UST: variants seen among roughly 807,000 people sequenced by gnomAD.
UST encodes chondroitin sulfate 2-O-sulfotransferase.
Under a neutral mutation model 45.6 loss-of-function variants are expected in UST, and 21 were observed. The observed-to-expected ratio is 0.46, with a 90% CI of 0.33 to 0.66. UST has a LOEUF of 0.66. Ranked by LOEUF, UST falls within the 30% of genes least tolerant of loss-of-function variation. The probability of loss-of-function intolerance (pLI) is 0.02; values close to 1 mark genes in which losing one functional copy is unlikely to be tolerated. For synonymous variants in UST, 215 were observed against 200.6 expected (o/e 1.07, Z -0.61); for missense variants, 463 against 512.4 (o/e 0.90, Z 0.93).
intron 7 of UST, among the ~76,000 whole-genome samples, chr6:149,060,394 G>A (rs577978338): frequency 2.0e-5 from 3 of 152,276 alleles, no homozygotes; most frequent in East Asian, 1.9e-4. Context: ...GCGCTGGCCC[G>A]GCCAGCCCAG....
chr6:149,011,580 G>C lies in UST; in HGVS notation c.682-7559G>C, dbSNP rs535652435. Among the ~76,000 whole-genome samples the C allele has an allele frequency of 2.6e-5, 4 of 152,346 alleles. No homozygotes were observed. In the South Asian group the frequency reaches 6.2e-4, roughly 24 times the overall value. On this transcript the variant is annotated intron_variant, in intron 5 of 7. Transcript: ENST00000367463. The stretch of plus-strand genomic sequence containing the variant: ...ATTTCTATTTTTGGGGGAGGCCAAG[G>C]AGGGTGGATCCCCTGAGGTCAGGAG...
intron 1 of UST, among the ~76,000 whole-genome samples, chr6:148,880,906 G>C (rs9377170): frequency 0.072 from 10,968 of 151,928 alleles, 703 homozygotes; most frequent in African/African-American, 0.18. Flanking sequence ...GTGGGCGCCT[G>C]TAATCCCAGC....
intron 5 of UST, among the ~76,000 whole-genome samples, chr6:148,987,690 T>TTTTAAAAATTTTAAAAATTTA (rs1332192215): frequency 6.6e-6 from 1 of 152,206 alleles, no homozygotes; most frequent in Non-Finnish European, 1.5e-5. Flanking sequence ...TCTTAATTTA[T>TTTTAAAAATTTTAAAAATTTA]TTTAAAAATT....
At chr6:149,029,866 T>TTGTGTGTGTGTGTG (rs3074362) in intron 7 of UST, among the ~76,000 whole-genome samples, 1 of 140,706 alleles carries the variant, frequency 7.1e-6, no homozygotes, top group Non-Finnish European at 1.5e-5. Context: ...GCACTGGATC[T>TTGTGTGTGTGTGTG]TGTGTGTGTG....
intron 1 of UST, among the ~76,000 whole-genome samples, chr6:148,862,997 G>T (rs1778350476): frequency 6.6e-6 from 1 of 152,160 alleles, no homozygotes; most frequent in African/African-American, 2.4e-5. Context: ...TTCTCGAGGA[G>T]TATCTTTGTG....
At chr6:148,923,978 C>T (rs769711607) in intron 2 of UST, among the ~76,000 whole-genome samples, 1 of 152,074 alleles carries the variant, frequency 6.6e-6, no homozygotes, top group Non-Finnish European at 1.5e-5. Context: ...GACTATAGCC[C>T]TCTTATGGTA....
intron 1 of UST, among the ~76,000 whole-genome samples, chr6:148,840,349 A>G (rs903821058): frequency 2.0e-5 from 3 of 152,202 alleles, no homozygotes; most frequent in Admixed American, 6.5e-5. Context: ...GTCCATGGGA[A>G]AATGGGGTTT....
At chr6:148,862,637 G>A (rs576908775) in intron 1 of UST, among the ~76,000 whole-genome samples, 1 of 152,290 alleles carries the variant, frequency 6.6e-6, no homozygotes, top group South Asian at 2.1e-4. Flanking sequence ...GGCTGGTACT[G>A]GTTGTTCCTT....
chr6:148,986,088 A>G (rs961710257), intron 5 of UST, among the ~76,000 whole-genome samples: 2 of 152,170 alleles, frequency 1.3e-5, no homozygotes, highest in African/African-American at 4.8e-5. Flanking sequence ...TCATCAGAGG[A>G]GTCCTGTGTG....
intron 1 of UST, among the ~76,000 whole-genome samples, chr6:148,845,269 A>G (rs1430116081): frequency 6.6e-6 from 1 of 152,194 alleles, no homozygotes. Flanking sequence ...AACAGTGTAT[A>G]TGCGTTTCTG....
intron 5 of UST, among the ~76,000 whole-genome samples, chr6:148,995,973 C>G (rs559062874): frequency 5.4e-4 from 82 of 152,320 alleles, no homozygotes; most frequent in African/African-American, 1.9e-3. Context: ...AGCCTGTATT[C>G]AGCAGGGGGT....
intron 4 of UST, among the ~76,000 whole-genome samples, chr6:148,960,239 A>G (rs1362712261): frequency 6.6e-6 from 1 of 152,172 alleles, no homozygotes; most frequent in African/African-American, 2.4e-5. Context: ...CAGTAAGCCG[A>G]GATCACGCCA....
chr6:149,046,368 A>G (rs564586353), intron 7 of UST, among the ~76,000 whole-genome samples: 2 of 152,324 alleles, frequency 1.3e-5, no homozygotes, highest in East Asian at 3.9e-4. Flanking sequence ...GAGTTGGCTG[A>G]TCTTTGGGTT....
At chr6:149,001,222 C>T (rs1781544744) in intron 5 of UST, among the ~76,000 whole-genome samples, 1 of 152,106 alleles carries the variant, frequency 6.6e-6, no homozygotes, top group South Asian at 2.1e-4. Context: ...CAGGCACCTA[C>T]CACCACGCCT....
At chr6:148,863,507 G>A (rs1582860628) in intron 1 of UST, among the ~76,000 whole-genome samples, 1 of 152,136 alleles carries the variant, frequency 6.6e-6, no homozygotes, top group Non-Finnish European at 1.5e-5. Context: ...CTCTCAACTC[G>A]CCAAAGTCAT....
rs572332635 is a variant in UST at position 148,900,656 on chromosome 6, C to T, written c.291+13627C>T. 3.9e-5 allele frequency among the ~76,000 whole-genome samples: 6 copies of T among 152,344 alleles called. No homozygotes were observed. The East Asian group carries it at 9.6e-4, about 24-fold the overall frequency. On this transcript the variant is annotated intron_variant, in intron 2 of 7. Coordinates refer to ENST00000367463, the MANE Select transcript of UST (RefSeq NM_005715.3). Reference sequence around the variant, plus strand: ...TCAGCAGCATGAAAATGAACTACTACATGTATTCACTCCTATTTCCTGCAT... The same window carrying T: ...TCAGCAGCATGAAAATGAACTACTATATGTATTCACTCCTATTTCCTGCAT...
At position 148,807,109 on chromosome 6, in the gene UST, G is replaced by A. The variant is rs79563808; in HGVS notation, c.247+59432G>A. Reference sequence around the variant, plus strand: ...TTTCTAAGGTATAAAGGAGTGGAGCGAAGGAAAAATCCCCCAAAAGAGGGA... The same window carrying A: ...TTTCTAAGGTATAAAGGAGTGGAGCAAAGGAAAAATCCCCCAAAAGAGGGA... On this transcript the variant is annotated intron_variant, in intron 1 of 7. Transcript: ENST00000367463. 1.7e-4 allele frequency among the ~76,000 whole-genome samples: 26 copies of A among 152,288 alleles called. No individual in the cohort carries two copies. The East Asian group carries it at 1.7e-3, about 10-fold the overall frequency.
At chr6:149,013,954 C>T (rs1775858156) in intron 5 of UST, among the ~76,000 whole-genome samples, 1 of 152,188 alleles carries the variant, frequency 6.6e-6, no homozygotes, top group Non-Finnish European at 1.5e-5. Flanking sequence ...AAATTAACTC[C>T]ACCTGGGAAT....
Position 148,982,357 on chromosome 6 carries a change from C to T in UST, c.681+17794C>T, listed in dbSNP as rs576643411. Reference sequence around the variant, plus strand: ...CAAATGATCCGCCCAACTCGGCCTCCCAAAGTGCTGGGATTACTGGCATGA... The same window carrying T: ...CAAATGATCCGCCCAACTCGGCCTCTCAAAGTGCTGGGATTACTGGCATGA... On this transcript the variant is annotated intron_variant, in intron 5 of 7. Transcript: ENST00000367463. 1.1e-4 allele frequency among the ~76,000 whole-genome samples: 17 copies of T among 152,248 alleles called. No homozygotes were observed. The South Asian group carries it at 1.2e-3, about 11-fold the overall frequency.
Sources: allele counts gnomAD v4.1 joint callset (sites outside exome capture counted in the v4.1 genomes callset), GRCh38; gene constraint gnomAD v4.1.1; transcripts MANE v1.5; gene names NCBI Gene and HGNC (gene_info 2026-07-23, HGNC 2026-07-21).